CUX1: variants seen among roughly 807,000 people sequenced by gnomAD.
CUX1 encodes cut like homeobox 1, also known as protein CASP.
In CUX1, 31 loss-of-function variants were observed where a neutral mutation model predicts 158.8. That is an observed-to-expected ratio of 0.20 (90% confidence interval 0.15 to 0.26). The LOEUF (loss-of-function observed/expected upper bound fraction) is 0.26. CUX1 is among the 10% of genes least tolerant of loss of function. The probability of loss-of-function intolerance (pLI) is 1.00; values close to 1 mark genes in which losing one functional copy is unlikely to be tolerated. For synonymous variants in CUX1, 879 were observed against 862.1 expected (o/e 1.02, Z -0.34); for missense variants, 1,589 against 2,014.6 (o/e 0.79, Z 4.04).
At chr7:102,209,688 A>T (rs1796339755) in intron 20 of CUX1, among the ~76,000 whole-genome samples, 1 of 152,138 alleles carries the variant, frequency 6.6e-6, no homozygotes, top group Admixed American at 6.5e-5. Context: ...ATGGAGTTGC[A>T]GGTGGTCCTT....
chr7:102,018,735 AGTGC>A (rs59444071), intron 2 of CUX1, among the ~76,000 whole-genome samples: 18 of 151,666 alleles, frequency 1.2e-4, no homozygotes, highest in South Asian at 1.0e-3. Flanking sequence ...GGAGAGCTTG[AGTGC>A]GTGCGTGCGT....
rs781933489 is a variant in CUX1, at chr7:102,197,042, G to A, written c.1631G>A (p.Ser544Asn). The change falls in exon 15 of 24, where the codon AGC becomes AAC. Residue 544 changes from serine (S) to asparagine (N), a missense_variant. Physicochemically the swap from Ser to Asn is conservative, Grantham distance 46. Coordinates refer to ENST00000292535, the MANE Select transcript of CUX1 (RefSeq NM_181552.4). ...PSPSQSESAG[S>N]VSEGEEMDTA... ...CCCAGCCAGTCAGAAAGTGCTGGGAGCGTCTCCGAGGGCGAGGAGATGGAC... is the reference window on the plus strand; with the variant it reads ...CCCAGCCAGTCAGAAAGTGCTGGGAACGTCTCCGAGGGCGAGGAGATGGAC... 8 of 1,614,262 alleles carry A rather than the reference G, an allele frequency of 5.0e-6. No individual in the cohort carries two copies. Among genetic ancestry groups the A allele is most frequent in the Non-Finnish European group, 6.8e-6 (8 of 1,180,048 alleles).
At chr7:101,837,190 C>T (rs1794726765) in intron 1 of CUX1, among the ~76,000 whole-genome samples, 1 of 152,134 alleles carries the variant, frequency 6.6e-6, no homozygotes, top group African/African-American at 2.4e-5. Flanking sequence ...GGACATATGT[C>T]CTCTAAGCTC....
At chr7:102,088,668 T>A (rs1554481309) in intron 4 of CUX1, among the ~76,000 whole-genome samples, 1 of 152,160 alleles carries the variant, frequency 6.6e-6, no homozygotes, top group African/African-American at 2.4e-5. Flanking sequence ...TGAAATAGTT[T>A]GTTGGTGGTT....
chr7:102,067,184 A>C (rs1396596620), intron 3 of CUX1, among the ~76,000 whole-genome samples: 1 of 150,842 alleles, frequency 6.6e-6, no homozygotes, highest in Admixed American at 6.6e-5. Context: ...CTTAATGTAT[A>C]ATACATCTGT....
rs1798320390 is a variant in CUX1, at chr7:101,870,000, C to T, written c.31-46115C>T. On this transcript the variant is annotated intron_variant, in intron 1 of 23. Coordinates refer to ENST00000292535, the MANE Select transcript of CUX1 (RefSeq NM_181552.4). This position sits in a 1 kb window ranked among gnomAD's most constrained non-coding sequence, Gnocchi z 4.5. Reference sequence around the variant, plus strand: ...CTCTTGTGCCTTCCCTCCCCAGTGCCTTTTCTGACCCCCTCCTGAGACCGC... The same window carrying T: ...CTCTTGTGCCTTCCCTCCCCAGTGCTTTTTCTGACCCCCTCCTGAGACCGC... 6.6e-6 allele frequency among the ~76,000 whole-genome samples: 1 copy of T among 151,920 alleles called. No individual in the cohort carries two copies. Among genetic ancestry groups the T allele is most frequent in the Non-Finnish European group, 1.5e-5 (1 of 68,004 alleles).
chr7:102,231,802 C>T (rs1164662018), intron 21 of CUX1, among the ~76,000 whole-genome samples: 1 of 151,520 alleles, frequency 6.6e-6, no homozygotes, highest in Non-Finnish European at 1.5e-5. Flanking sequence ...CAAGCTCCGC[C>T]TCCCGGGTTC....
At chr7:102,047,778 G>A (rs1823000530) in intron 3 of CUX1, among the ~76,000 whole-genome samples, 2 of 152,020 alleles carry the variant, frequency 1.3e-5, no homozygotes, top group Admixed American at 1.3e-4. Flanking sequence ...CCCTTCCCTT[G>A]GAAAAACTCA....
Position 102,251,015 on chromosome 7 carries a change from G to A in CUX1, c.*1973G>A. On this transcript the variant is annotated 3_prime_UTR_variant, in exon 24 of 24. Transcript: ENST00000292535. ...TTATAGGTGCTGTATTTTATTATCTGATTGTTAGGAAGGGATGAAAGGGGC... is the reference window on the plus strand; with the variant it reads ...TTATAGGTGCTGTATTTTATTATCTAATTGTTAGGAAGGGATGAAAGGGGC... 3.1e-6 allele frequency: 3 copies of A among 973,650 alleles called. No homozygotes were observed. The South Asian group carries it at 1.4e-4, about 46-fold the overall frequency. 60.3% of individuals were successfully genotyped at this position (973,650 alleles called of 1,614,324 possible). A position where few individuals can be genotyped will look rare whatever the true frequency, so the allele number is the denominator to read the frequency against.
chr7:102,215,041 C>T (rs1260332230), intron 20 of CUX1, among the ~76,000 whole-genome samples: 2 of 152,112 alleles, frequency 1.3e-5, no homozygotes, highest in Non-Finnish European at 2.9e-5. Flanking sequence ...CACCTCTGAA[C>T]CCAGGAGGCT....
intron 2 of CUX1, among the ~76,000 whole-genome samples, chr7:101,935,693 G>A (rs1032715807): frequency 2.6e-5 from 4 of 152,206 alleles, no homozygotes; most frequent in Non-Finnish European, 5.9e-5. Context: ...CCCGGACCTG[G>A]TGTGGCAATG....
In CUX1 at chr7:102,253,312, G is replaced by T. The variant is rs552592017; in HGVS notation, c.*4270G>T. 3.0e-6 allele frequency: 3 copies of T among 985,450 alleles called. No individual in the cohort carries two copies. The African/African-American group carries it at 5.2e-5, about 17-fold the overall frequency. The allele number at this position is 985,450 out of a possible 1,614,324, so 61.0% of individuals were successfully genotyped here. A position where few individuals can be genotyped will look rare whatever the true frequency, so the allele number is the denominator to read the frequency against. On this transcript the variant is annotated 3_prime_UTR_variant, in exon 24 of 24. Coordinates refer to ENST00000292535, the MANE Select transcript of CUX1 (RefSeq NM_181552.4). ...TCCTTGGCCAGGGCCAGCATCAGGC[G>T]TGCAGCTCATGACCAGTTTACACAG...
At chr7:102,153,806 T>C (rs948867890) in intron 8 of CUX1, 7 of 152,260 alleles carry the variant, frequency 4.6e-5, no homozygotes, top group African/African-American at 7.2e-5. Flanking sequence ...AGGGCAGTGC[T>C]TCTGAAAGAC....
At chr7:101,845,939 C>T (rs549212547) in intron 1 of CUX1, among the ~76,000 whole-genome samples, 6 of 151,666 alleles carry the variant, frequency 4.0e-5, no homozygotes, top group South Asian at 2.1e-4. Context: ...CCCCAGGAGT[C>T]GGAGATTTCA....
intron 3 of CUX1, among the ~76,000 whole-genome samples, chr7:102,043,832 G>C (rs1236200466): frequency 6.6e-6 from 1 of 152,066 alleles, no homozygotes; most frequent in Non-Finnish European, 1.5e-5. Context: ...GTACAAAGAT[G>C]CCCATTTCTC....
chr7:102,223,247 AC>A (rs1295027255), intron 20 of CUX1, among the ~76,000 whole-genome samples: 1 of 151,802 alleles, frequency 6.6e-6, no homozygotes, highest in Admixed American at 6.6e-5. Flanking sequence ...ACATAGCAAA[AC>A]CCTGTCTCTA....
At chr7:101,974,330 T>C (rs557698175) in intron 2 of CUX1, among the ~76,000 whole-genome samples, 1 of 152,236 alleles carries the variant, frequency 6.6e-6, no homozygotes, top group South Asian at 2.1e-4. Context: ...AACCACACAC[T>C]CTAGTTTTAT....
At chr7:102,022,628 AG>A (rs1198913672) in intron 2 of CUX1, among the ~76,000 whole-genome samples, 1 of 144,224 alleles carries the variant, frequency 6.9e-6, no homozygotes, top group Non-Finnish European at 1.5e-5. Flanking sequence ...AAAAAAAAAA[AG>A]AAAAGAAAAA....
intron 2 of CUX1, among the ~76,000 whole-genome samples, chr7:101,980,670 G>A (rs1813318228): frequency 6.6e-6 from 1 of 152,172 alleles, no homozygotes; most frequent in African/African-American, 2.4e-5. Context: ...AGAGTGCGGT[G>A]ACATAAACCA....
Sources: gnomAD v4.1 joint callset for allele counts (sites outside exome capture counted in the v4.1 genomes callset) on GRCh38, gnomAD v4.1.1 for gene constraint, Gnocchi (gnomAD v3.1) non-coding constraint, MANE v1.5 for transcripts, NCBI Gene and HGNC (gene_info 2026-07-23, HGNC 2026-07-21) for gene names.